SERINC5: variants seen among roughly 807,000 people sequenced by gnomAD.
SERINC5 encodes serine incorporator 5, also known as chromosome 5 open reading frame 12.
A neutral mutation model predicts 63.1 loss-of-function variants in SERINC5; 41 were observed. The ratio of observed to expected loss-of-function variants is 0.65; its 90% CI spans 0.51 to 0.84. The LOEUF is 0.84. Ranked by LOEUF, SERINC5 falls within the 40% of genes least tolerant of loss-of-function variation. The pLI is 0.00. For missense variants in SERINC5, 523 were observed against 573.0 expected, an observed-to-expected ratio of 0.91 and a Z score of 0.89; for synonymous variants, 222 against 215.2, an observed-to-expected ratio of 1.03 and a Z score of -0.28.
rs182172988 is a variant in SERINC5, at chr5:80,206,573, T to A, written c.28-3520A>T. Among the ~76,000 whole-genome samples, 63 of 152,330 alleles carry A rather than the reference T, an allele frequency of 4.1e-4. No homozygotes were observed. In the South Asian group the frequency reaches 0.013, roughly 31 times the overall value. The stretch of plus-strand genomic sequence containing the variant: ...AGAAGACATTCTACTCGGGCTGAGA[T>A]AAGAGAATACACAAGTGGTATCCTA... On this transcript the variant is annotated intron_variant, in intron 1 of 11. Coordinates refer to ENST00000507668, the MANE Select transcript of SERINC5 (RefSeq NM_001174072.3).
intron 1 of SERINC5, among the ~76,000 whole-genome samples, chr5:80,236,347 G>T (rs1561447721): frequency 6.6e-6 from 1 of 152,018 alleles, no homozygotes; most frequent in African/African-American, 2.4e-5. Context: ...GAACATACCG[G>T]AACTCAGGCT....
chr5:80,217,914 C>T (rs1016418935), intron 1 of SERINC5, among the ~76,000 whole-genome samples: 10 of 152,108 alleles, frequency 6.6e-5, no homozygotes, highest in African/African-American at 1.9e-4. Context: ...TAGTGACAAC[C>T]ATCAGTGGAG....
intron 2 of SERINC5, among the ~76,000 whole-genome samples, chr5:80,184,848 A>C (rs1748700126): frequency 6.6e-6 from 1 of 152,122 alleles, no homozygotes; most frequent in East Asian, 1.9e-4. Flanking sequence ...GCACCCAAGG[A>C]CAGGGCACTT....
intron 2 of SERINC5, among the ~76,000 whole-genome samples, chr5:80,197,147 G>A (rs62364028): frequency 1.3e-5 from 2 of 151,890 alleles, no homozygotes; most frequent in East Asian, 1.9e-4. Context: ...TCAGGAGTTC[G>A]AGACCAGCCT....
intron 6 of SERINC5, among the ~76,000 whole-genome samples, chr5:80,168,072 A>C (rs1747418261): frequency 6.6e-6 from 1 of 152,240 alleles, no homozygotes; most frequent in Admixed American, 6.5e-5. Flanking sequence ...AAAGATTTTA[A>C]TCGGAATATC....
chr5:80,203,153 C>T, intron 1 of SERINC5, 100 bp from the exon 2 acceptor site: 6 of 1,208,640 alleles, frequency 5.0e-6, no homozygotes, highest in South Asian at 2.8e-5. Flanking sequence ...CCCTGCTACT[C>T]GGGGGGCTGG....
chr5:80,150,328 G>A (rs1222271694), intron 9 of SERINC5, among the ~76,000 whole-genome samples: 2 of 152,166 alleles, frequency 1.3e-5, no homozygotes, highest in Admixed American at 6.5e-5. Context: ...GGGGGTGAGC[G>A]GCAGGATGCC....
chr5:80,210,854 G>A (rs931868434), intron 1 of SERINC5, among the ~76,000 whole-genome samples: 18 of 152,298 alleles, frequency 1.2e-4, no homozygotes, highest in African/African-American at 3.8e-4. Flanking sequence ...GGTAGATGAC[G>A]GGTGGTAGAT....
At chr5:80,179,267 C>T (rs1748265022) in intron 2 of SERINC5, among the ~76,000 whole-genome samples, 3 of 152,152 alleles carry the variant, frequency 2.0e-5, no homozygotes, top group South Asian at 4.1e-4. Context: ...ACACTGCACT[C>T]TAGCCTGGGC....
At chr5:80,183,349 G>A (rs1206622873) in intron 2 of SERINC5, among the ~76,000 whole-genome samples, 2 of 152,114 alleles carry the variant, frequency 1.3e-5, no homozygotes, top group African/African-American at 4.8e-5. Flanking sequence ...GCAGGAGTTT[G>A]CTCTTTAACA....
chr5:80,115,122 T>C (rs1336809840), intron 11 of SERINC5, among the ~76,000 whole-genome samples: 1 of 151,968 alleles, frequency 6.6e-6, no homozygotes, highest in Non-Finnish European at 1.5e-5. Context: ...GTCCCAGAAA[T>C]GACATTCAAC....
intron 1 of SERINC5, among the ~76,000 whole-genome samples, chr5:80,249,863 A>C (rs1176540459): frequency 2.0e-5 from 3 of 152,158 alleles, no homozygotes; most frequent in Non-Finnish European, 4.4e-5. Context: ...ATAAAGCATC[A>C]AAATGTGGTT....
intron 1 of SERINC5, among the ~76,000 whole-genome samples, chr5:80,231,892 A>G (rs1452869439): frequency 1.3e-5 from 2 of 151,964 alleles, no homozygotes; most frequent in African/African-American, 4.8e-5. Context: ...CCTGAGCCCA[A>G]GAGTTGGAGA....
Position 80,144,413 on chromosome 5 carries a change from T to C in SERINC5, c.1239-603A>G, listed in dbSNP as rs186332880. On this transcript the variant is annotated intron_variant, in intron 11 of 11. Transcript: ENST00000507668. ...GATTACATTGTAACTCAATGTTTAATTGTTTAAGGAGATGCCAAACTCTTT... is the reference window on the plus strand; with the variant it reads ...GATTACATTGTAACTCAATGTTTAACTGTTTAAGGAGATGCCAAACTCTTT... Among the ~76,000 whole-genome samples, 6 of 152,354 alleles carry C rather than the reference T, an allele frequency of 3.9e-5. No homozygotes were observed. In the East Asian group the frequency reaches 5.8e-4, roughly 15 times the overall value.
chr5:80,165,850 G>A (rs1481989121), intron 7 of SERINC5, among the ~76,000 whole-genome samples: 6 of 151,942 alleles, frequency 3.9e-5, no homozygotes, highest in African/African-American at 9.7e-5. Flanking sequence ...AGGAAGAATC[G>A]AAAAAGGGAA....
intron 1 of SERINC5, among the ~76,000 whole-genome samples, chr5:80,232,166 A>G (rs1404368985): frequency 6.6e-6 from 1 of 150,424 alleles, no homozygotes; most frequent in Non-Finnish European, 1.5e-5. Flanking sequence ...GCATTTTGGG[A>G]GGCCAAGGCG....
chr5:80,178,205 A>G (rs1470800538), intron 2 of SERINC5, 141 bp from the exon 3 acceptor site: 1 of 517,804 alleles, frequency 1.9e-6, no homozygotes, highest in Non-Finnish European at 3.4e-6. Context: ...TCTATCTTCT[A>G]AAGAGATATT....
intron 2 of SERINC5, among the ~76,000 whole-genome samples, chr5:80,202,205 T>G (rs1012457507): frequency 7.9e-5 from 12 of 151,702 alleles, no homozygotes; most frequent in Non-Finnish European, 1.5e-4. Flanking sequence ...GCCATTGCAC[T>G]CTAGCCTGGG....
At position 80,235,595 on chromosome 5, in the gene SERINC5, G is replaced by GT. The variant is rs200436946; in HGVS notation, c.27+20300dup. ...CATTTTTAATGGTAATTTTTTTGTTGTTTTTTGTTTGTTTGTTTTTGAGAC... is the reference window on the plus strand; with the variant it reads ...CATTTTTAATGGTAATTTTTTTGTTGTTTTTTTGTTTGTTTGTTTTTGAGAC... On this transcript the variant is annotated intron_variant, in intron 1 of 11. Transcript: ENST00000507668. Among the ~76,000 whole-genome samples, 1,185 of 151,982 alleles carry GT rather than the reference G, an allele frequency of 7.8e-3. 17 individuals carry two copies. The highest frequency in any genetic ancestry group is 0.028 in the African/African-American group (1,140 of 41,436).
Sources: gnomAD v4.1 joint callset for allele counts (sites outside exome capture counted in the v4.1 genomes callset) on GRCh38, gnomAD v4.1.1 for gene constraint, MANE v1.5 for transcripts, NCBI Gene and HGNC (gene_info 2026-07-23, HGNC 2026-07-21) for gene names.